The following C2orf76 variants were observed in gnomAD, a reference collection of about 807,000 sequenced individuals.
The protein encoded by C2orf76 is chromosome 2 open reading frame 76.
Under a neutral mutation model 16.9 loss-of-function variants are expected in C2orf76, and 23 were observed. The ratio of observed to expected loss-of-function variants is 1.36; its 90% CI spans 0.98 to 1.93. The LOEUF (loss-of-function observed/expected upper bound fraction) is 1.93. Among genes scored for constraint, C2orf76 ranks in the 30% most tolerant of loss-of-function variants. The pLI, the probability that C2orf76 is intolerant of heterozygous loss-of-function variation, is 0.00. For missense variants in C2orf76, 152 were observed against 152.6 expected (o/e 1.00, Z 0.02); for synonymous variants, 48 against 52.3 (o/e 0.92, Z 0.35).
intron 2 of C2orf76, among the ~76,000 whole-genome samples, chr2:119,325,038 T>C (rs543929296): frequency 3.8e-4 from 58 of 151,738 alleles, no homozygotes; most frequent in Non-Finnish European, 6.9e-4. Context: ...TATGTTTAGC[T>C]TTCTAAGAAA....
At position 119,334,075 on chromosome 2, in the gene C2orf76, G is replaced by A. The variant is rs114241834; in HGVS notation, c.133+5752C>T. Reference sequence around the variant, plus strand: ...TCCAAAGTGTTGGGATTACAGGCATGAGCCACTGTGCCTGACCCCTTCAAT... The same window carrying A: ...TCCAAAGTGTTGGGATTACAGGCATAAGCCACTGTGCCTGACCCCTTCAAT... On this transcript the variant is annotated intron_variant, in intron 2 of 5. Coordinates refer to ENST00000334816, the MANE Select transcript of C2orf76 (RefSeq NM_001322331.2). Among the ~76,000 whole-genome samples, 615 of 152,188 alleles carry A rather than the reference G, an allele frequency of 4.0e-3. 4 individuals are homozygous for A. The highest frequency in any genetic ancestry group is 0.011 in the African/African-American group (466 of 41,522).
intron 1 of C2orf76, among the ~76,000 whole-genome samples, chr2:119,354,855 C>T (rs1187218446): frequency 1.3e-5 from 2 of 152,230 alleles, no homozygotes; most frequent in Non-Finnish European, 2.9e-5. Context: ...TGCTGACTGG[C>T]ACATGCTTCT....
intron 2 of C2orf76, among the ~76,000 whole-genome samples, chr2:119,325,576 C>T (rs1206134085): frequency 1.3e-5 from 2 of 151,894 alleles, no homozygotes; most frequent in Admixed American, 6.5e-5. Flanking sequence ...ATGGTTGCAC[C>T]ACTGCACTCT....
chr2:119,339,427 C>T (rs1057338480), intron 2 of C2orf76, among the ~76,000 whole-genome samples: 10 of 152,126 alleles, frequency 6.6e-5, no homozygotes, highest in Admixed American at 2.0e-4. Context: ...GTACAGCCTC[C>T]GCTCCCCTCC....
In C2orf76 at chr2:119,302,506, T is replaced by C. The variant is rs1052500; in HGVS notation, c.347A>G (p.Lys116Arg). 986,412 of 1,501,592 alleles carry C rather than the reference T, an allele frequency of 0.66. 328,600 individuals are homozygous for C. Among genetic ancestry groups the C allele is most frequent in the African/African-American group, 0.89 (63,161 of 71,074 alleles). The allele number at this position is 1,501,592 out of a possible 1,614,324, so 93.0% of individuals were successfully genotyped here. The stretch of plus-strand genomic sequence containing the variant: ...TGAAATGGGATTAGCTTTGTAGTTC[T>C]TATAATCTTCTTCACAGAAGAATGC... ...EIAFFCEEDY[K>R]NYKANPISSW The change falls in exon 6 of 6, where the codon AAG (lysine) becomes AGG (arginine). Residue 116 changes from lysine to arginine, a missense_variant. Lys to Arg is a conservative substitution (Grantham distance 26). Coordinates refer to ENST00000334816, the MANE Select transcript of C2orf76 (RefSeq NM_001322331.2).
intron 1 of C2orf76, among the ~76,000 whole-genome samples, chr2:119,363,402 C>A (rs1056431494): frequency 1.4e-5 from 2 of 146,036 alleles, no homozygotes; most frequent in Admixed American, 7.0e-5. Flanking sequence ...CCAGCCTGGG[C>A]GACAGAGCAA....
chr2:119,338,431 T>C (rs557330723), intron 2 of C2orf76, among the ~76,000 whole-genome samples: 1 of 152,352 alleles, frequency 6.6e-6, no homozygotes, highest in East Asian at 1.9e-4. Context: ...CCACAAGTTG[T>C]CACCCTGAGA....
intron 5 of C2orf76, among the ~76,000 whole-genome samples, chr2:119,302,835 G>A (rs769819116): frequency 6.6e-6 from 1 of 152,036 alleles, no homozygotes; most frequent in Non-Finnish European, 1.5e-5. Context: ...CTGGTTTTCA[G>A]GAAATCATAA....
In C2orf76 at chr2:119,339,855, T is replaced by C. The variant is rs1553448584; in HGVS notation, c.105A>G (p.Val35=). Residue 35 remains valine (V), a synonymous_variant, in exon 2 of 6, where the codon GTA becomes GTG. Transcript: ENST00000334816. The stretch of plus-strand genomic sequence containing the variant: ...GCTTTAGAAATACGATAAATTCCTT[T>C]ACAGTTTGGTCCAAATTCACTCCGT... ...VYHGVNLDQT[V]KEFIVFLKQD... 1.2e-6 allele frequency: 2 copies of C among 1,608,980 alleles called. No homozygotes were observed. Among genetic ancestry groups the C allele is most frequent in the Non-Finnish European group, 1.7e-6 (2 of 1,175,718 alleles).
At chr2:119,332,041 A>C (rs1012267170) in intron 2 of C2orf76, among the ~76,000 whole-genome samples, 11 of 152,212 alleles carry the variant, frequency 7.2e-5, no homozygotes, top group African/African-American at 2.7e-4. Context: ...GGAAAAATTT[A>C]GGCAACTTAA....
intron 1 of C2orf76, among the ~76,000 whole-genome samples, chr2:119,361,102 G>C (rs1680731156): frequency 6.6e-6 from 1 of 152,156 alleles, no homozygotes; most frequent in Non-Finnish European, 1.5e-5. Context: ...ATATGGTTTT[G>C]CAAGATGTTA....
the C2orf76 span, among the ~76,000 whole-genome samples, chr2:119,290,703 G>A: frequency 5.3e-5 from 8 of 152,092 alleles, no homozygotes; most frequent in East Asian, 3.9e-4. Flanking sequence ...GGCATTGCAC[G>A]CTTGTAATCC....
At chr2:119,365,758 C>A (rs1193153162) in intron 1 of C2orf76, among the ~76,000 whole-genome samples, 2 of 152,224 alleles carry the variant, frequency 1.3e-5, no homozygotes, top group Middle Eastern at 3.2e-3. Context: ...TAAAACACTT[C>A]CAGACACCTG....
chr2:119,285,290 C>T, the C2orf76 span, among the ~76,000 whole-genome samples: 2 of 152,132 alleles, frequency 1.3e-5, no homozygotes. Flanking sequence ...CACAAAGTGA[C>T]CTTAACTGCT....
At chr2:119,339,635 A>G (rs1484900819) in intron 2 of C2orf76, among the ~76,000 whole-genome samples, 192 bp downstream of exon 2, 1 of 151,846 alleles carries the variant, frequency 6.6e-6, no homozygotes, top group Non-Finnish European at 1.5e-5. Context: ...GACACAGACT[A>G]TTCAGTGAGA....
At chr2:119,301,046 TA>T (rs1678612120), downstream of C2orf76, among the ~76,000 whole-genome samples, 1 of 149,848 alleles carries the variant, frequency 6.7e-6, no homozygotes. Context: ...TTCAATCTTC[TA>T]AGACACAGCT....
intron 5 of C2orf76, among the ~76,000 whole-genome samples, chr2:119,308,333 C>T (rs1678863293): frequency 6.6e-6 from 1 of 152,236 alleles, no homozygotes; most frequent in African/African-American, 2.4e-5. Flanking sequence ...TACATGTATA[C>T]TTTAAACATT....
At chr2:119,326,776 C>T (rs1225456712) in intron 2 of C2orf76, among the ~76,000 whole-genome samples, 2 of 152,288 alleles carry the variant, frequency 1.3e-5, no homozygotes, top group East Asian at 3.9e-4. Flanking sequence ...AAAAGTCTTA[C>T]ACTTCTACCA....
chr2:119,300,014 T>A (rs1678592905), downstream of C2orf76, among the ~76,000 whole-genome samples: 1 of 152,196 alleles, frequency 6.6e-6, no homozygotes, highest in African/African-American at 2.4e-5. Flanking sequence ...AAGGTCATTC[T>A]ACCTCAGGTC....
Sources: allele counts gnomAD v4.1 joint callset (sites outside exome capture counted in the v4.1 genomes callset), GRCh38; gene constraint gnomAD v4.1.1; transcripts MANE v1.5; gene names NCBI Gene and HGNC (gene_info 2026-07-23, HGNC 2026-07-21).